The following PDGFRA variants were observed in gnomAD, a reference collection of about 807,000 sequenced individuals.
PDGFRA encodes the protein platelet derived growth factor receptor alpha.
In PDGFRA, 25 loss-of-function variants were observed where a neutral mutation model predicts 121.5. That is an observed-to-expected ratio of 0.21 (90% CI 0.15 to 0.29). The LOEUF is 0.29. Ranked by LOEUF, PDGFRA falls within the 10% of genes least tolerant of loss-of-function variation. PDGFRA has a pLI of 1.00. For missense variants in PDGFRA, 1,008 were observed against 1,345.1 expected, an observed-to-expected ratio of 0.75 and a Z score of 3.92; for synonymous variants, 463 against 494.8, an observed-to-expected ratio of 0.94 and a Z score of 0.85.
intron 1 of PDGFRA, among the ~76,000 whole-genome samples, chr4:54,233,385 C>T (rs1262031503): frequency 2.0e-5 from 3 of 152,350 alleles, no homozygotes; most frequent in East Asian, 1.9e-4. Flanking sequence ...CGCAGCACTC[C>T]CGGCTGCGCT....
intron 1 of PDGFRA, 53 bp from the exon 2 acceptor site, chr4:54,258,704 C>T: frequency 4.7e-6 from 5 of 1,062,592 alleles, no homozygotes; most frequent in Non-Finnish European, 7.4e-6. Flanking sequence ...AACTAGGCTC[C>T]AGGGTTGTTT....
chr4:54,245,573 T>G (rs1032447175), intron 1 of PDGFRA, among the ~76,000 whole-genome samples: 11 of 152,118 alleles, frequency 7.2e-5, no homozygotes, highest in Non-Finnish European at 1.3e-4. Flanking sequence ...GCACTAAACA[T>G]GGAAAGGAAC....
intron 1 of PDGFRA, among the ~76,000 whole-genome samples, chr4:54,237,562 T>G (rs1325938215): frequency 6.6e-6 from 1 of 152,138 alleles, no homozygotes; most frequent in African/African-American, 2.4e-5. Context: ...GAGGCTGATA[T>G]TTATATGTAC....
intron 22 of PDGFRA, among the ~76,000 whole-genome samples, chr4:54,293,907 TTGTGTGTGTGTG>T (rs71200381): frequency 7.0e-6 from 1 of 142,458 alleles, no homozygotes; most frequent in African/African-American, 2.6e-5. Flanking sequence ...TCCAAGTTGC[TTGTGTGTGTGTG>T]TGTGTGTGTG....
intron 7 of PDGFRA, among the ~76,000 whole-genome samples, chr4:54,268,034 C>T (rs368934871): frequency 5.9e-5 from 9 of 152,300 alleles, no homozygotes; most frequent in African/African-American, 2.2e-4. Context: ...ATTGGACTCA[C>T]CAGGATTGAA....
intron 1 of PDGFRA, among the ~76,000 whole-genome samples, chr4:54,243,081 G>C (rs1361661482): frequency 2.6e-5 from 4 of 152,090 alleles, no homozygotes; most frequent in Admixed American, 6.6e-5. Context: ...TGAAAAAAAA[G>C]CATGCTCTTG....
At chr4:54,259,468 G>T (rs1226308693) in intron 2 of PDGFRA, among the ~76,000 whole-genome samples, 1 of 152,180 alleles carries the variant, frequency 6.6e-6, no homozygotes, top group African/African-American at 2.4e-5. Context: ...ATAGATGAAT[G>T]TTTGGCTCTT....
rs1245944155 is a variant in PDGFRA at position 54,297,087 on chromosome 4, T to C, written c.*1815T>C. The C allele has an allele frequency of 4.3e-6, 1 of 233,090 alleles. No homozygotes were observed. The highest frequency in any genetic ancestry group is 8.5e-6 in the Non-Finnish European group (1 of 118,010). 14.4% of individuals were successfully genotyped at this position (233,090 alleles called of 1,614,324 possible). On this transcript the variant is annotated 3_prime_UTR_variant, in exon 23 of 23. Transcript: ENST00000257290. ...TCTCTGTGTAACCAGCTCAGTGTTT[T>C]GGTGGAAAAAACATTTTAAGTTTTA...
intron 1 of PDGFRA, among the ~76,000 whole-genome samples, chr4:54,236,206 A>T (rs1269784637): frequency 6.6e-6 from 1 of 152,208 alleles, no homozygotes; most frequent in African/African-American, 2.4e-5. Flanking sequence ...TTCCCTGCAA[A>T]GGGGGTTGTT....
rs2110292499 is a variant in PDGFRA at position 54,273,653 on chromosome 4, A to G, written c.1481A>G (p.Glu494Gly). 1.2e-6 allele frequency: 2 copies of G among 1,614,054 alleles called. No homozygotes were observed. Among genetic ancestry groups the G allele is most frequent in the Non-Finnish European group, 1.7e-6 (2 of 1,180,018 alleles). The change falls in exon 10 of 23, where the codon GAG (glutamate) becomes GGG (glycine). Residue 494 changes from glutamate (E) to glycine (G), a missense_variant. Glu to Gly is a moderately conservative substitution (Grantham distance 98). Transcript: ENST00000257290. ...GGCCGTGTGACTTTCGCCAAAGTGG[A>G]GGAGACCATCGCCGTGCGATGCCTG... ...VEGRVTFAKV[E>G]ETIAVRCLAK...
At chr4:54,232,459 C>T (rs559251438) in intron 1 of PDGFRA, among the ~76,000 whole-genome samples, 1 of 152,356 alleles carries the variant, frequency 6.6e-6, no homozygotes, top group Admixed American at 6.5e-5. Context: ...TGGGGCGCCT[C>T]CTTCCCTGCC....
chr4:54,266,177 A>AT (rs200164097), intron 5 of PDGFRA, among the ~76,000 whole-genome samples: 39 of 151,822 alleles, frequency 2.6e-4, no homozygotes, highest in African/African-American at 8.2e-4. Flanking sequence ...GGAGACAGCA[A>AT]TTTTTTTTTC....
rs1724956180 is a variant in PDGFRA at position 54,297,915 on chromosome 4, A to G, written c.*2643A>G. 8.6e-6 allele frequency: 2 copies of G among 233,068 alleles called. No homozygotes were observed. Among genetic ancestry groups the G allele is most frequent in the African/African-American group, 2.2e-5 (1 of 45,326 alleles). The allele number at this position is 233,068 out of a possible 1,614,324, so 14.4% of individuals were successfully genotyped here. The stretch of plus-strand genomic sequence containing the variant: ...TGATGTTATACATCAATATGTATAT[A>G]TGTATTTCTATATAGACTTGGAGAA... On this transcript the variant is annotated 3_prime_UTR_variant, in exon 23 of 23. Coordinates refer to ENST00000257290, the MANE Select transcript of PDGFRA (RefSeq NM_006206.6).
At chr4:54,290,996 T>C (rs1724606029) in intron 22 of PDGFRA, among the ~76,000 whole-genome samples, 2 of 152,220 alleles carry the variant, frequency 1.3e-5, no homozygotes, top group Non-Finnish European at 2.9e-5. Context: ...TAAAAACTGC[T>C]GATCTACAAG....
chr4:54,246,880 A>C (rs1721705985), intron 1 of PDGFRA, among the ~76,000 whole-genome samples: 1 of 152,112 alleles, frequency 6.6e-6, no homozygotes, highest in Non-Finnish European at 1.5e-5. Context: ...AAAATGATAA[A>C]GGGGATATCA....
intron 1 of PDGFRA, chr4:54,230,463 T>A (rs1261605966): frequency 6.6e-6 from 1 of 151,726 alleles, no homozygotes; most frequent in Non-Finnish European, 1.5e-5. Context: ...CCCTCCTCGG[T>A]GGAATCATTT....
chr4:54,290,123 T>C (rs1423661267), intron 21 of PDGFRA, among the ~76,000 whole-genome samples, 190 bp from the exon 22 acceptor site: 1 of 152,218 alleles, frequency 6.6e-6, no homozygotes, highest in African/African-American at 2.4e-5. Context: ...CTCTTTACCA[T>C]TGGTGGCCCC....
At chr4:54,272,964 A>G (rs1434446706) in intron 9 of PDGFRA, among the ~76,000 whole-genome samples, 1 of 152,166 alleles carries the variant, frequency 6.6e-6, no homozygotes, top group African/African-American at 2.4e-5. Context: ...CATCCATGGT[A>G]ACTGGTTGTG....
chr4:54,264,723 A>T (rs1722936519), intron 4 of PDGFRA, 196 bp from the exon 5 acceptor site: 3 of 535,886 alleles, frequency 5.6e-6, no homozygotes, highest in Middle Eastern at 5.2e-4. Context: ...GTAATTCTGT[A>T]TTATAACTAT....
Sources: allele counts gnomAD v4.1 joint callset (sites outside exome capture counted in the v4.1 genomes callset), GRCh38; gene constraint gnomAD v4.1.1; transcripts MANE v1.5; gene names NCBI Gene and HGNC (gene_info 2026-07-23, HGNC 2026-07-21).